The following CPLX2 variants were observed in gnomAD, a reference collection of about 807,000 sequenced individuals.
CPLX2 encodes the protein complexin-2.
CPLX2 carries 5 observed loss-of-function variants against 16.3 expected under a neutral mutation model. The observed-to-expected ratio is 0.31, with a 90% CI of 0.16 to 0.64. The LOEUF (loss-of-function observed/expected upper bound fraction) is 0.64. Among genes scored for constraint, CPLX2 ranks in the 30% least tolerant of loss-of-function variants. The probability of loss-of-function intolerance (pLI) is 0.79; values close to 1 mark genes in which losing one functional copy is unlikely to be tolerated. For synonymous variants in CPLX2, 89 were observed against 73.2 expected, an observed-to-expected ratio of 1.22 and a Z score of -1.10; for missense variants, 144 against 181.4, an observed-to-expected ratio of 0.79 and a Z score of 1.18.
intron 2 of CPLX2, among the ~76,000 whole-genome samples, chr5:175,850,412 G>A (rs1304344037): frequency 6.6e-6 from 1 of 152,212 alleles, no homozygotes; most frequent in African/African-American, 2.4e-5. Context: ...GCCTCCAGAG[G>A]TTCCTTTCGG....
rs898134402 is a variant in CPLX2, at chr5:175,882,621, G to A, written c.*2576G>A. 1.3e-5 allele frequency: 2 copies of A among 152,762 alleles called. No individual in the cohort carries two copies. Among genetic ancestry groups the A allele is most frequent in the Non-Finnish European group, 2.9e-5 (2 of 68,136 alleles). 9.5% of individuals were successfully genotyped at this position (152,762 alleles called of 1,614,324 possible). On this transcript the variant is annotated 3_prime_UTR_variant, in exon 4 of 4. Coordinates refer to ENST00000393745, the MANE Select transcript of CPLX2 (RefSeq NM_001008220.2). ...TCGGGGCTTTCAGCCCCACCCTGAT[G>A]CCTGCCCTCCAGGATGGCTGGTTTA...
chr5:175,868,696 G>A (rs1759523744), upstream of CPLX2, among the ~76,000 whole-genome samples: 1 of 145,632 alleles, frequency 6.9e-6, no homozygotes, highest in Non-Finnish European at 1.5e-5. Context: ...TTCGTGGCAG[G>A]TTTTTTTTTT....
chr5:175,828,346 C>G (rs1758661040), intron 2 of CPLX2, among the ~76,000 whole-genome samples: 1 of 152,142 alleles, frequency 6.6e-6, no homozygotes, highest in South Asian at 2.1e-4. Flanking sequence ...CGAAAGAAGA[C>G]TCGGGGGCAT....
At chr5:175,828,558 A>C (rs768474803) in intron 2 of CPLX2, among the ~76,000 whole-genome samples, 1 of 152,198 alleles carries the variant, frequency 6.6e-6, no homozygotes, top group Non-Finnish European at 1.5e-5. Context: ...TCTTAGGTGG[A>C]AAGTTAGACC....
chr5:175,871,464 A>AGAGG (rs1759611602), upstream of CPLX2: 6 of 93,320 alleles, frequency 6.4e-5, no homozygotes, highest in African/African-American at 1.7e-4. Context: ...AGAGAGAGAG[A>AGAGG]GAGAGAGAGA....
chr5:175,871,457 G>GAA (rs1561790440), upstream of CPLX2: 3 of 143,012 alleles, frequency 2.1e-5, no homozygotes, highest in East Asian at 2.1e-4. Context: ...GAGAGAGAGA[G>GAA]AGAGAGAGAG....
In CPLX2 at chr5:175,810,565, C is replaced by T. The variant is rs965333919; in HGVS notation, c.-89+1497C>T. ...ACCTGCACACACTGGCTGCTCAATA[C>T]GTGTGTACTGAGTGTTATATAAGAC... On this transcript the variant is annotated intron_variant, in intron 2 of 4. Transcript: ENST00000359546. Among the ~76,000 whole-genome samples the T allele has an allele frequency of 6.6e-5, 10 of 152,190 alleles. No homozygotes were observed. The South Asian group carries it at 1.2e-3, about 19-fold the overall frequency.
chr5:175,812,330 G>A (rs1405546321), intron 2 of CPLX2, among the ~76,000 whole-genome samples: 3 of 152,192 alleles, frequency 2.0e-5, no homozygotes, highest in Non-Finnish European at 2.9e-5. Flanking sequence ...CTTCAGGTGA[G>A]CAGGGGCTGC....
intron 2 of CPLX2, among the ~76,000 whole-genome samples, chr5:175,810,048 C>G (rs1193836773): frequency 6.6e-6 from 1 of 152,228 alleles, no homozygotes; most frequent in Admixed American, 6.5e-5. Context: ...CATCACAGAC[C>G]TCATGGCTCT....
At chr5:175,798,161 G>A (rs1332829276) in intron 1 of CPLX2, among the ~76,000 whole-genome samples, 1 of 152,186 alleles carries the variant, frequency 6.6e-6, no homozygotes, top group African/African-American at 2.4e-5. Flanking sequence ...TTACTTACTA[G>A]CATATGACCT....
At position 175,811,566 on chromosome 5, in the gene CPLX2, G is replaced by A. The variant is rs150887306; in HGVS notation, c.-89+2498G>A. Reference sequence around the variant, plus strand: ...GGTGCATTGACTTGAGTTGATCTGAGTTGACTTGGCTTGAATTGACTTGAG... The same window carrying A: ...GGTGCATTGACTTGAGTTGATCTGAATTGACTTGGCTTGAATTGACTTGAG... On this transcript the variant is annotated intron_variant, in intron 2 of 4. Coordinates refer to the CPLX2 transcript ENST00000359546. Among the ~76,000 whole-genome samples, 117 of 152,242 alleles carry A rather than the reference G, an allele frequency of 7.7e-4. 2 individuals carry two copies. Among genetic ancestry groups the A allele is most frequent in the African/African-American group, 2.5e-3 (105 of 41,550 alleles).
At chr5:175,864,973 G>A (rs1277922486) in intron 2 of CPLX2, among the ~76,000 whole-genome samples, 2 of 152,022 alleles carry the variant, frequency 1.3e-5, no homozygotes, top group Non-Finnish European at 2.9e-5. Flanking sequence ...GAGGACACTG[G>A]GTTAGATGAC....
In CPLX2 at chr5:175,860,543, AGAT is replaced by A. The variant is rs1561786473; in HGVS notation, c.-88-18108_-88-18106del. On this transcript the variant is annotated intron_variant, in intron 2 of 4. Transcript: ENST00000359546. Reference sequence around the variant, plus strand: ...AAGAAAGAAAGAAAGAAAGAAAGATAGATAGAAAGAAAGAAAGAAAAAGAAGGG... The same window carrying A: ...AAGAAAGAAAGAAAGAAAGAAAGATAAGAAAGAAAGAAAGAAAAAGAAGGG... Among the ~76,000 whole-genome samples the A allele has an allele frequency of 8.9e-4, 101 of 114,068 alleles. 1 individual carries two copies. The highest frequency in any genetic ancestry group is 3.4e-3 in the African/African-American group (97 of 28,254). 74.8% of individuals were successfully genotyped at this position (114,068 alleles called of 152,430 possible).
At chr5:175,842,243 G>A (rs1758957400) in intron 2 of CPLX2, among the ~76,000 whole-genome samples, 1 of 152,236 alleles carries the variant, frequency 6.6e-6, no homozygotes, top group Non-Finnish European at 1.5e-5. Context: ...ACAGCAGGTG[G>A]TAATCATTTC....
chr5:175,831,654 G>A (rs1197015364), intron 2 of CPLX2, among the ~76,000 whole-genome samples: 1 of 152,170 alleles, frequency 6.6e-6, no homozygotes, highest in Non-Finnish European at 1.5e-5. Context: ...CCCTGGTCCC[G>A]CAGATATCCC....
upstream of CPLX2, among the ~76,000 whole-genome samples, chr5:175,871,102 G>A (rs1399565857): frequency 1.3e-5 from 2 of 152,072 alleles, no homozygotes; most frequent in South Asian, 2.1e-4. Flanking sequence ...TCTGCCTGGA[G>A]AAACCAAGGA....
At chr5:175,853,775 G>A (rs1759201075) in intron 2 of CPLX2, among the ~76,000 whole-genome samples, 1 of 152,142 alleles carries the variant, frequency 6.6e-6, no homozygotes, top group Non-Finnish European at 1.5e-5. Flanking sequence ...CAGATCTCAG[G>A]GGCCTCTGAC....
chr5:175,863,728 C>A (rs1759411945), intron 2 of CPLX2, among the ~76,000 whole-genome samples: 1 of 152,150 alleles, frequency 6.6e-6, no homozygotes, highest in South Asian at 2.1e-4. Flanking sequence ...TGGCCCAGAG[C>A]AGCCATTTTT....
intron 1 of CPLX2, among the ~76,000 whole-genome samples, chr5:175,807,549 C>T (rs1338246054): frequency 1.3e-5 from 2 of 152,256 alleles, no homozygotes; most frequent in African/African-American, 4.8e-5. Flanking sequence ...GAAACAGGAA[C>T]ATCTGCCCTG....
Sources: allele counts gnomAD v4.1 joint callset (sites outside exome capture counted in the v4.1 genomes callset), GRCh38; gene constraint gnomAD v4.1.1; transcripts MANE v1.5; gene names NCBI Gene and HGNC (gene_info 2026-07-23, HGNC 2026-07-21).